The following AFF1 variants were observed in gnomAD, a reference collection of about 807,000 sequenced individuals.
The protein encoded by AFF1 is AF4/FMR2 family member 1.
In AFF1, 48 loss-of-function variants were observed where a neutral mutation model predicts 121.7. The observed-to-expected ratio is 0.39, with a 90% CI of 0.31 to 0.50. The LOEUF (loss-of-function observed/expected upper bound fraction) is 0.50. AFF1 is among the 20% of genes least tolerant of loss of function. AFF1 has a pLI of 0.76. For synonymous variants in AFF1, 613 were observed against 563.0 expected (o/e 1.09, Z -1.26); for missense variants, 1,523 against 1,511.7 (o/e 1.01, Z -0.12).
At chr4:87,108,871 TAAAA>T (rs386676968) in intron 11 of AFF1, among the ~76,000 whole-genome samples, 22 of 152,348 alleles carry the variant, frequency 1.4e-4, no homozygotes, top group African/African-American at 4.8e-4. Context: ...CTGTCCCATG[TAAAA>T]CAGGGACGAT....
chr4:87,082,986 A>C (rs1332154704), intron 4 of AFF1, among the ~76,000 whole-genome samples: 1 of 152,234 alleles, frequency 6.6e-6, no homozygotes, highest in African/African-American at 2.4e-5. Context: ...AGTTTTATGC[A>C]TAGCAGTGGC....
intron 2 of AFF1, among the ~76,000 whole-genome samples, chr4:87,020,616 C>G (rs1448416340): frequency 1.3e-5 from 2 of 152,142 alleles, no homozygotes; most frequent in South Asian, 2.1e-4. Context: ...TCCTGAGTAG[C>G]TGGGACTACA....
In AFF1 at chr4:87,083,856, T is replaced by C. The variant is rs191457140; in HGVS notation, c.1060-264T>C. ...TGGCTCACTGCAGCCTCCACCTCCC[T>C]GGCTCATGTGATCCTCCTGCCTCTA... is the stretch of plus-strand genomic sequence containing the variant. On this transcript the variant is annotated intron_variant, in intron 4 of 20. Coordinates refer to ENST00000395146, the MANE Select transcript of AFF1 (RefSeq NM_001166693.3). Among the ~76,000 whole-genome samples, 709 of 152,210 alleles carry C rather than the reference T, an allele frequency of 4.7e-3. 7 individuals carry two copies. Among genetic ancestry groups the C allele is most frequent in the Admixed American group, 0.021 (323 of 15,292 alleles).
chr4:86,954,261 G>A (rs1342701990), intron 2 of AFF1, among the ~76,000 whole-genome samples: 4 of 152,148 alleles, frequency 2.6e-5, no homozygotes, highest in Non-Finnish European at 5.9e-5. Context: ...GTGAGGTTTA[G>A]GGGTAAAATA....
chr4:87,116,946 C>T (rs1347444757), intron 12 of AFF1, among the ~76,000 whole-genome samples: 1 of 152,156 alleles, frequency 6.6e-6, no homozygotes, highest in Non-Finnish European at 1.5e-5. Context: ...ACTTCAGGAA[C>T]ACACTCAGGT....
chr4:87,041,924 A>G (rs1730198359), intron 2 of AFF1, among the ~76,000 whole-genome samples: 1 of 151,768 alleles, frequency 6.6e-6, no homozygotes, highest in African/African-American at 2.4e-5. Context: ...CTGAGACAGG[A>G]GAATCACTTG....
chr4:86,985,441 G>A (rs1265619463), intron 2 of AFF1, among the ~76,000 whole-genome samples: 2 of 149,804 alleles, frequency 1.3e-5, no homozygotes, highest in African/African-American at 4.9e-5. Flanking sequence ...AACCTGGGAG[G>A]CAGAAGTTGC....
chr4:86,996,950 T>G (rs1458807679), intron 2 of AFF1, among the ~76,000 whole-genome samples: 2 of 152,174 alleles, frequency 1.3e-5, no homozygotes, highest in Non-Finnish European at 2.9e-5. Flanking sequence ...CTTGCTCTGT[T>G]GCCCAGGCTG....
At chr4:87,077,635 G>T (rs1722801078) in intron 4 of AFF1, among the ~76,000 whole-genome samples, 1 of 151,890 alleles carries the variant, frequency 6.6e-6, no homozygotes, top group African/African-American at 2.4e-5. Context: ...ACTTTCTTGT[G>T]TATCATTCCC....
intron 4 of AFF1, among the ~76,000 whole-genome samples, chr4:87,075,840 T>C (rs1722614099): frequency 1.3e-5 from 2 of 152,232 alleles, no homozygotes; most frequent in African/African-American, 4.8e-5. Context: ...AGGAAAGAGA[T>C]TGGAAATTCA....
intron 2 of AFF1, among the ~76,000 whole-genome samples, chr4:86,995,892 G>A (rs1182663533): frequency 2.1e-5 from 3 of 142,028 alleles, no homozygotes; most frequent in South Asian, 2.3e-4. Flanking sequence ...GCCGCCCATC[G>A]TCTGAGATGT....
intron 4 of AFF1, among the ~76,000 whole-genome samples, chr4:87,069,687 TGA>T (rs1404672123): frequency 1.4e-5 from 2 of 138,202 alleles, no homozygotes; most frequent in South Asian, 2.4e-4. Context: ...GAAATAATGG[TGA>T]GAGTGACAGT....
chr4:87,061,560 A>G (rs1720790908), intron 4 of AFF1, among the ~76,000 whole-genome samples: 1 of 152,200 alleles, frequency 6.6e-6, no homozygotes, highest in Admixed American at 6.5e-5. Flanking sequence ...GTACCTTCAC[A>G]TTGAAATCTG....
At chr4:86,952,121 T>C (rs1721396120) in intron 2 of AFF1, among the ~76,000 whole-genome samples, 2 of 152,156 alleles carry the variant, frequency 1.3e-5, no homozygotes, top group South Asian at 4.1e-4. Context: ...TTATATGTCA[T>C]AATATTGAGG....
At chr4:87,052,216 C>T (rs139659756) in intron 4 of AFF1, among the ~76,000 whole-genome samples, 326 of 152,170 alleles carry the variant, frequency 2.1e-3, no homozygotes, top group African/African-American at 6.9e-3. Context: ...AGTTCAAGAC[C>T]AGCCTGGGCA....
intron 2 of AFF1, among the ~76,000 whole-genome samples, chr4:86,982,975 C>T (rs1055204300): frequency 1.3e-5 from 2 of 151,896 alleles, no homozygotes; most frequent in African/African-American, 2.4e-5. Flanking sequence ...TCTGCTTGTG[C>T]CTTGCTCTTG....
chr4:87,088,767 G>T (rs927823147), intron 5 of AFF1, among the ~76,000 whole-genome samples: 1 of 66,768 alleles, frequency 1.5e-5, no homozygotes, highest in Non-Finnish European at 2.9e-5. Context: ...GCTCATTTTT[G>T]TATTTTTGTA....
At chr4:86,971,673 A>T (rs993319790) in intron 2 of AFF1, among the ~76,000 whole-genome samples, 1 of 152,250 alleles carries the variant, frequency 6.6e-6, no homozygotes, top group Non-Finnish European at 1.5e-5. Context: ...GATAAATAGC[A>T]ATACTCTATC....
At chr4:87,015,176 A>G (rs925308577) in intron 2 of AFF1, among the ~76,000 whole-genome samples, 1 of 152,190 alleles carries the variant, frequency 6.6e-6, no homozygotes, top group African/African-American at 2.4e-5. Flanking sequence ...TTTTCAGGTA[A>G]TTTTGACCTA....
Sources: gnomAD v4.1 joint callset for allele counts (sites outside exome capture counted in the v4.1 genomes callset) on GRCh38, gnomAD v4.1.1 for gene constraint, MANE v1.5 for transcripts, NCBI Gene and HGNC (gene_info 2026-07-23, HGNC 2026-07-21) for gene names.